Variants in DPP10 observed in about 807,000 individuals in gnomAD.
DPP10 encodes the protein dipeptidyl peptidase like 10, also known as inactive dipeptidyl peptidase 10.
Under a neutral mutation model 120.9 loss-of-function variants are expected in DPP10, and 33 were observed. The ratio of observed to expected loss-of-function variants is 0.27; its 90% confidence interval spans 0.21 to 0.37. The LOEUF is 0.37. Ranked by LOEUF, DPP10 falls within the 10% of genes least tolerant of loss-of-function variation. The probability of loss-of-function intolerance (pLI) is 1.00; values close to 1 mark genes in which losing one functional copy is unlikely to be tolerated. For synonymous variants in DPP10, 337 were observed against 326.1 expected, an observed-to-expected ratio of 1.03 and a Z score of -0.36; for missense variants, 816 against 942.8, an observed-to-expected ratio of 0.87 and a Z score of 1.76.
intron 3 of DPP10, among the ~76,000 whole-genome samples, chr2:115,361,007 G>A (rs17823359): frequency 0.45 from 68,691 of 151,950 alleles, 16,502 homozygotes; most frequent in Non-Finnish European, 0.55. Flanking sequence ...TCCCAGTACT[G>A]AGCTTGCCCA....
At chr2:115,638,860 A>C (rs529556165) in intron 5 of DPP10, among the ~76,000 whole-genome samples, 1 of 152,312 alleles carries the variant, frequency 6.6e-6, no homozygotes, top group East Asian at 1.9e-4. Context: ...CGGAAGCACT[A>C]ACTGAAGAGA....
At chr2:114,999,424 A>G (rs1701297473) in intron 1 of DPP10, among the ~76,000 whole-genome samples, 1 of 152,142 alleles carries the variant, frequency 6.6e-6, no homozygotes, top group African/African-American at 2.4e-5. Flanking sequence ...TGCCATGTCG[A>G]ATTATTCACT....
intron 3 of DPP10, among the ~76,000 whole-genome samples, chr2:115,375,898 C>A (rs1039175754): frequency 6.6e-6 from 1 of 152,170 alleles, no homozygotes; most frequent in Non-Finnish European, 1.5e-5. Context: ...CCCATCAGAC[C>A]CATTCCCCAA....
At chr2:114,945,692 T>G (rs1697294655) in intron 1 of DPP10, among the ~76,000 whole-genome samples, 1 of 152,104 alleles carries the variant, frequency 6.6e-6, no homozygotes, top group African/African-American at 2.4e-5. Flanking sequence ...GGCGGACACC[T>G]GTAATCCCAG....
chr2:115,734,971 G>T (rs1205326936), intron 8 of DPP10, among the ~76,000 whole-genome samples: 2 of 152,160 alleles, frequency 1.3e-5, no homozygotes, highest in Non-Finnish European at 2.9e-5. Flanking sequence ...GGGGGAAGGG[G>T]ACACAGCAGT....
chr2:114,531,372 A>G (rs1424128604), intron 1 of DPP10, among the ~76,000 whole-genome samples: 1 of 151,778 alleles, frequency 6.6e-6, no homozygotes, highest in Non-Finnish European at 1.5e-5. Flanking sequence ...TCCTTTCTTG[A>G]TGATGATGAT....
chr2:115,665,488 A>G (rs1312882514), intron 5 of DPP10, among the ~76,000 whole-genome samples: 1 of 152,220 alleles, frequency 6.6e-6, no homozygotes, highest in Admixed American at 6.5e-5. Context: ...ATAAGAAGCC[A>G]AACTTTTACT....
intron 5 of DPP10, among the ~76,000 whole-genome samples, chr2:115,603,164 GTGTGTA>G (rs1421169004): frequency 3.7e-5 from 5 of 133,768 alleles, no homozygotes; most frequent in African/African-American, 5.5e-5. Context: ...GTGTGTGTGT[GTGTGTA>G]TAGTCATCTG....
chr2:114,492,940 C>T (rs1682133869), intron 1 of DPP10, among the ~76,000 whole-genome samples: 1 of 152,176 alleles, frequency 6.6e-6, no homozygotes, highest in South Asian at 2.1e-4. Flanking sequence ...TATACATGAT[C>T]CTGGCTTTCC....
At chr2:115,458,117 G>T (rs2073726223) in intron 3 of DPP10, among the ~76,000 whole-genome samples, 1 of 152,108 alleles carries the variant, frequency 6.6e-6, no homozygotes, top group African/African-American at 2.4e-5. Context: ...TAGAGACAAA[G>T]AGCAGATTGC....
At chr2:114,987,220 C>G (rs1302229604) in intron 1 of DPP10, among the ~76,000 whole-genome samples, 1 of 152,078 alleles carries the variant, frequency 6.6e-6, no homozygotes, top group Admixed American at 6.5e-5. Flanking sequence ...AAGTTATATA[C>G]CAAAACTTTT....
At chr2:115,076,085 A>G (rs894812547) in intron 1 of DPP10, among the ~76,000 whole-genome samples, 1 of 152,096 alleles carries the variant, frequency 6.6e-6, no homozygotes, top group Non-Finnish European at 1.5e-5. Context: ...CAATCTCCAC[A>G]TCTACCTTAT....
chr2:115,599,341 T>TA (rs2149207604), intron 5 of DPP10, among the ~76,000 whole-genome samples: 1 of 152,256 alleles, frequency 6.6e-6, no homozygotes, highest in African/African-American at 2.4e-5. Context: ...ATAGACTTCT[T>TA]AGGCCCTGTT....
At chr2:114,457,170 A>G (rs755976735) in intron 1 of DPP10, among the ~76,000 whole-genome samples, 1 of 152,224 alleles carries the variant, frequency 6.6e-6, no homozygotes, top group Non-Finnish European at 1.5e-5. Context: ...TATCTTACGC[A>G]GACTCTGTTG....
chr2:115,124,070 G>T (rs2049955341), intron 1 of DPP10, among the ~76,000 whole-genome samples: 1 of 151,560 alleles, frequency 6.6e-6, no homozygotes, highest in Non-Finnish European at 1.5e-5. Context: ...AGCCTCCTGA[G>T]TAGCTGGGAC....
chr2:114,978,142 A>G (rs903869953), intron 1 of DPP10, among the ~76,000 whole-genome samples: 1 of 152,184 alleles, frequency 6.6e-6, no homozygotes, highest in Non-Finnish European at 1.5e-5. Flanking sequence ...CTGTCCTGAC[A>G]TTGGCAACGT....
At chr2:114,623,726 A>G (rs1367904344) in intron 1 of DPP10, among the ~76,000 whole-genome samples, 1 of 152,132 alleles carries the variant, frequency 6.6e-6, no homozygotes, top group Admixed American at 6.6e-5. Context: ...AAATCTATTC[A>G]AACAGATGGA....
At position 115,743,444 on chromosome 2, in the gene DPP10, A is replaced by G. The variant is rs187729232; in HGVS notation, c.853-2642A>G. Among the ~76,000 whole-genome samples, 250 of 152,328 alleles carry G rather than the reference A, an allele frequency of 1.6e-3. 1 individual carries two copies. The highest frequency in any genetic ancestry group is 6.8e-3 in the Middle Eastern group (2 of 294). ...ATAACTGATACGTCTTTAAGAAAGT[A>G]TGCCATAAAACTGTGCATCATTGGT... is the stretch of plus-strand genomic sequence containing the variant. On this transcript the variant is annotated intron_variant, in intron 9 of 25. Transcript: ENST00000410059.
chr2:115,517,133 A>G (rs1003146544), intron 4 of DPP10, among the ~76,000 whole-genome samples: 15 of 152,088 alleles, frequency 9.9e-5, no homozygotes, highest in Non-Finnish European at 1.9e-4. Context: ...TAAGGAAGCA[A>G]TTGCACGTGT....
Sources: allele counts gnomAD v4.1 joint callset (sites outside exome capture counted in the v4.1 genomes callset), GRCh38; gene constraint gnomAD v4.1.1; transcripts MANE v1.5; gene names NCBI Gene and HGNC (gene_info 2026-07-23, HGNC 2026-07-21).